Variants in COL21A1 observed in about 807,000 individuals in gnomAD.
COL21A1 encodes the protein collagen type XXI alpha 1 chain.
COL21A1 carries 149 observed loss-of-function variants against 137.9 expected under a neutral mutation model. The ratio of observed to expected loss-of-function variants is 1.08; its 90% CI spans 0.95 to 1.24. The LOEUF is 1.24. Among genes scored for constraint, COL21A1 ranks in the 50% most tolerant of loss-of-function variants. The pLI, the probability that COL21A1 is intolerant of heterozygous loss-of-function variation, is 0.00. For synonymous variants in COL21A1, 456 were observed against 391.5 expected, an observed-to-expected ratio of 1.16 and a Z score of -1.95; for missense variants, 1,167 against 1,158.4, an observed-to-expected ratio of 1.01 and a Z score of -0.11.
At chr6:56,078,679 G>A (rs1327087891) in intron 17 of COL21A1, among the ~76,000 whole-genome samples, 3 of 151,628 alleles carry the variant, frequency 2.0e-5, no homozygotes, top group African/African-American at 4.8e-5. Context: ...TATAGGGCAA[G>A]ACATAAACAC....
chr6:56,261,001 G>A (rs1230510327), intron 1 of COL21A1, among the ~76,000 whole-genome samples: 1 of 151,628 alleles, frequency 6.6e-6, no homozygotes, highest in Non-Finnish European at 1.5e-5. Context: ...TTATTTGAAA[G>A]ACAAGTTTCA....
At chr6:56,058,811 C>T (rs1407969277) in intron 29 of COL21A1, among the ~76,000 whole-genome samples, 1 of 152,108 alleles carries the variant, frequency 6.6e-6, no homozygotes, top group East Asian at 1.9e-4. Flanking sequence ...TTAAACTGCA[C>T]AGCTAGCAGA....
intron 16 of COL21A1, among the ~76,000 whole-genome samples, chr6:56,107,249 G>T (rs961160121): frequency 6.6e-6 from 1 of 151,950 alleles, no homozygotes; most frequent in Non-Finnish European, 1.5e-5. Context: ...AATTATAAAC[G>T]TCAATGAGGA....
At chr6:56,181,133 C>A (rs1215100110) in intron 2 of COL21A1, among the ~76,000 whole-genome samples, 1 of 152,180 alleles carries the variant, frequency 6.6e-6, no homozygotes, top group Admixed American at 6.5e-5. Flanking sequence ...GGATTTGTCT[C>A]AAAAATGTGT....
chr6:56,158,467 C>T (rs912027533), intron 9 of COL21A1, among the ~76,000 whole-genome samples: 2 of 151,416 alleles, frequency 1.3e-5, no homozygotes, highest in South Asian at 4.2e-4. Flanking sequence ...GAGGTGGGGT[C>T]TCATATGTTG....
chr6:56,066,675 C>T (rs1438340228), intron 23 of COL21A1, among the ~76,000 whole-genome samples: 1 of 151,756 alleles, frequency 6.6e-6, no homozygotes, highest in Non-Finnish European at 1.5e-5. Context: ...AAAAGTCAGT[C>T]TTCAGTGAAT....
chr6:56,143,485 C>T (rs1774590720), intron 10 of COL21A1, among the ~76,000 whole-genome samples: 1 of 152,142 alleles, frequency 6.6e-6, no homozygotes, highest in Admixed American at 6.5e-5. Context: ...CAGGCGTGAG[C>T]CACTGCACCC....
At chr6:56,192,588 C>G in intron 1 of COL21A1, among the ~76,000 whole-genome samples, 1 of 152,066 alleles carries the variant, frequency 6.6e-6, no homozygotes, top group Non-Finnish European at 1.5e-5. Context: ...ATGAAAAAAG[C>G]TCATCATTAC....
At chr6:56,287,497 T>C (rs914644375) in intron 1 of COL21A1, among the ~76,000 whole-genome samples, 52 of 152,172 alleles carry the variant, frequency 3.4e-4, no homozygotes, top group African/African-American at 1.2e-3. Context: ...TGAGATCTGG[T>C]TATTTACAAG....
chr6:56,093,198 G>A (rs1769016318), intron 17 of COL21A1, among the ~76,000 whole-genome samples: 1 of 152,060 alleles, frequency 6.6e-6, no homozygotes, highest in Non-Finnish European at 1.5e-5. Context: ...ATGTCTCGGG[G>A]AAGGGTAATT....
intron 16 of COL21A1, among the ~76,000 whole-genome samples, chr6:56,118,295 T>C (rs540777712): frequency 2.3e-4 from 35 of 152,014 alleles, no homozygotes; most frequent in Admixed American, 1.7e-3. Context: ...TAGTGGCTAC[T>C]ATGAGCAACT....
intron 12 of COL21A1, among the ~76,000 whole-genome samples, chr6:56,129,697 T>TGAGA (rs1478229212): frequency 7.1e-4 from 46 of 64,880 alleles, no homozygotes; most frequent in Admixed American, 3.1e-3. Context: ...TGTGTGTGTG[T>TGAGA]GTGAGAGAGA....
At position 56,179,826 on chromosome 6, in the gene COL21A1, G is replaced by A; in HGVS notation, c.392C>T (p.Ser131Phe). ...QFALDYLFAK[S>F]SRFLTKIAVV... ...TGCTATCTTAGTCAGAAATCGTGAG[G>A]ACTTGGCAAAAAGGTAATCGAGCGC... Residue 131 changes from serine to phenylalanine, a missense_variant, in exon 3 of 30, where the codon TCC (serine) becomes TTC (phenylalanine). Coordinates refer to ENST00000244728, the MANE Select transcript of COL21A1 (RefSeq NM_030820.4). The A allele has an allele frequency of 1.2e-6, 2 of 1,613,906 alleles. No individual in the cohort carries two copies. The highest frequency in any genetic ancestry group is 1.1e-5 in the South Asian group (1 of 91,072).
chr6:56,167,307 T>C (rs1561938585), intron 6 of COL21A1, among the ~76,000 whole-genome samples: 1 of 152,198 alleles, frequency 6.6e-6, no homozygotes, highest in Non-Finnish European at 1.5e-5. Flanking sequence ...TCCCAGGTTT[T>C]CTGTGTTTAT....
chr6:56,290,781 T>C (rs1183133434), intron 1 of COL21A1, among the ~76,000 whole-genome samples: 1 of 152,120 alleles, frequency 6.6e-6, no homozygotes, highest in Non-Finnish European at 1.5e-5. Context: ...ATTACAGGCG[T>C]GAGCCACCAC....
intron 1 of COL21A1, among the ~76,000 whole-genome samples, chr6:56,332,527 G>A (rs1484521746): frequency 6.6e-6 from 1 of 150,908 alleles, no homozygotes; most frequent in Non-Finnish European, 1.5e-5. Context: ...GATTACTATG[G>A]TATGGAATTT....
At chr6:56,360,175 G>A (rs1379249852) in intron 1 of COL21A1, among the ~76,000 whole-genome samples, 3 of 152,160 alleles carry the variant, frequency 2.0e-5, no homozygotes, top group Admixed American at 2.0e-4. Flanking sequence ...GGGGAGTGGA[G>A]GGAGGGTCGT....
At chr6:56,382,915 T>C (rs1179748914) in intron 1 of COL21A1, among the ~76,000 whole-genome samples, 1 of 152,146 alleles carries the variant, frequency 6.6e-6, no homozygotes, top group Non-Finnish European at 1.5e-5. Context: ...TTGTGAACAG[T>C]CTACTCTGCA....
At chr6:56,116,269 C>T (rs1771908366) in intron 16 of COL21A1, among the ~76,000 whole-genome samples, 1 of 151,608 alleles carries the variant, frequency 6.6e-6, no homozygotes, top group Non-Finnish European at 1.5e-5. Context: ...CTAGAAGCAG[C>T]AAACGACAAA....
Sources: allele counts gnomAD v4.1 joint callset (sites outside exome capture counted in the v4.1 genomes callset), GRCh38; gene constraint gnomAD v4.1.1; transcripts MANE v1.5; gene names NCBI Gene and HGNC (gene_info 2026-07-23, HGNC 2026-07-21).